Variants in DIP2C observed in about 807,000 individuals in gnomAD.
The protein encoded by DIP2C is DIP2 acetate--CoA ligase C (putative).
In DIP2C, 33 loss-of-function variants were observed where a neutral mutation model predicts 192.4. The observed-to-expected ratio is 0.17, with a 90% CI of 0.13 to 0.23. The LOEUF (loss-of-function observed/expected upper bound fraction) is 0.23, where lower values mean the gene tolerates loss of function less well. Among genes scored for constraint, DIP2C ranks in the 10% least tolerant of loss-of-function variants. The pLI, the probability that DIP2C is intolerant of heterozygous loss-of-function variation, is 1.00. For missense variants in DIP2C, 1,537 were observed against 2,110.1 expected (o/e 0.73, Z 5.32); for synonymous variants, 979 against 864.1 (o/e 1.13, Z -2.33).
At chr10:337,514 TGTGTGTGCGTGC>T (rs1351999863) in intron 29 of DIP2C, among the ~76,000 whole-genome samples, 1 of 133,694 alleles carries the variant, frequency 7.5e-6, no homozygotes, top group African/African-American at 2.9e-5. Flanking sequence ...ACAGTCTGTG[TGTGTGTGCGTGC>T]GTGTGTGTTG....
chr10:570,392 C>A (rs781285921), intron 1 of DIP2C, among the ~76,000 whole-genome samples: 12 of 152,234 alleles, frequency 7.9e-5, no homozygotes, highest in Non-Finnish European at 1.6e-4. Flanking sequence ...CAACCCCACA[C>A]TCCCTAGGTC....
chr10:321,337 T>A (rs75700814), intron 31 of DIP2C, among the ~76,000 whole-genome samples: 34 of 152,354 alleles, frequency 2.2e-4, no homozygotes, highest in African/African-American at 7.7e-4. Flanking sequence ...CAGCTCAGCC[T>A]TCCCCGAAGA....
At chr10:672,140 G>A (rs1830680920) in intron 1 of DIP2C, among the ~76,000 whole-genome samples, 1 of 150,922 alleles carries the variant, frequency 6.6e-6, no homozygotes, top group Non-Finnish European at 1.5e-5. Context: ...TAGACACATG[G>A]ACGGAGGAAA....
chr10:552,396 G>A (rs1848636396), intron 1 of DIP2C, among the ~76,000 whole-genome samples: 1 of 152,156 alleles, frequency 6.6e-6, no homozygotes, highest in South Asian at 2.1e-4. Flanking sequence ...CAAGTAAAAG[G>A]TTGTTTATAC....
intron 1 of DIP2C, among the ~76,000 whole-genome samples, chr10:494,289 G>A (rs60376644): frequency 6.6e-6 from 1 of 152,234 alleles, no homozygotes; most frequent in Non-Finnish European, 1.5e-5. Flanking sequence ...CCCAGGAGGA[G>A]GACATCTCTG....
rs758527439 is a variant in DIP2C at position 414,013 on chromosome 10, C to A, written c.957G>T (p.Ser319=). Residue 319 remains serine, a synonymous_variant, in exon 8 of 37, where the codon TCG becomes TCT. Coordinates refer to ENST00000280886, the MANE Select transcript of DIP2C (RefSeq NM_014974.3). ...CCCACCTCTGCAGTGCGGCCTCCAG[C>A]GACGGCGGCCAGTTCGTGACCACGC... ...QLGVVTNWPP[S]LEAALQRWGT... is the part of the protein sequence containing the mutation. The A allele has an allele frequency of 3.7e-5, 60 of 1,613,974 alleles. No individual in the cohort carries two copies. Among genetic ancestry groups the A allele is most frequent in the Non-Finnish European group, 5.1e-5 (60 of 1,179,996 alleles).
chr10:460,064 T>G (rs1272701883), intron 3 of DIP2C, among the ~76,000 whole-genome samples: 3 of 150,318 alleles, frequency 2.0e-5, no homozygotes, highest in African/African-American at 7.4e-5. Flanking sequence ...AGTATCTTCC[T>G]CCCACAGTCA....
chr10:560,306 G>C (rs1849134521), intron 1 of DIP2C, among the ~76,000 whole-genome samples: 1 of 151,938 alleles, frequency 6.6e-6, no homozygotes. Context: ...GAGGCCATGT[G>C]AACACAAAGC....
At chr10:568,968 A>T (rs1386579389) in intron 1 of DIP2C, among the ~76,000 whole-genome samples, 1 of 152,050 alleles carries the variant, frequency 6.6e-6, no homozygotes, top group African/African-American at 2.4e-5. Flanking sequence ...GCTGTGCCAG[A>T]GCTTTCAAAG....
intron 9 of DIP2C, among the ~76,000 whole-genome samples, chr10:404,210 A>ATT (rs200567522): frequency 2.2e-3 from 322 of 146,484 alleles, no homozygotes; most frequent in East Asian, 0.013. Context: ...TTCATTCTGG[A>ATT]TTTTTTTTTT....
intron 3 of DIP2C, among the ~76,000 whole-genome samples, chr10:447,500 G>A (rs1346667979): frequency 2.0e-5 from 3 of 148,274 alleles, no homozygotes; most frequent in Non-Finnish European, 3.0e-5. Context: ...CACACAGTGG[G>A]GCAGCAGGAC....
chr10:672,286 A>G (rs1830690443), intron 1 of DIP2C, among the ~76,000 whole-genome samples: 1 of 151,902 alleles, frequency 6.6e-6, no homozygotes, highest in South Asian at 2.1e-4. Context: ...CGGAGAAAAC[A>G]GGCCACACAC....
chr10:514,872 A>T (rs776524073), intron 1 of DIP2C, among the ~76,000 whole-genome samples: 1 of 152,158 alleles, frequency 6.6e-6, no homozygotes, highest in Non-Finnish European at 1.5e-5. Flanking sequence ...TGTGGAAGTG[A>T]AGGGGGTAAA....
chr10:367,192 C>T (rs78712281), intron 18 of DIP2C, among the ~76,000 whole-genome samples: 8,022 of 152,170 alleles, frequency 0.053, 516 homozygotes, highest in African/African-American at 0.15. Context: ...CCGAGGCGGG[C>T]GGATCACAAG....
chr10:417,548 A>G (rs12779160), intron 6 of DIP2C, among the ~76,000 whole-genome samples: 63,856 of 152,164 alleles, frequency 0.42, 15,431 homozygotes, highest in Non-Finnish European at 0.55. Flanking sequence ...ACGAAGGCAC[A>G]GTTGGGCTCT....
intron 2 of DIP2C, among the ~76,000 whole-genome samples, chr10:485,439 C>A (rs938227956): frequency 6.6e-6 from 1 of 152,220 alleles, no homozygotes; most frequent in African/African-American, 2.4e-5. Context: ...CGGCGTCTAT[C>A]CCTGACTTAA....
chr10:474,418 ACT>A (rs2133455326), intron 2 of DIP2C, among the ~76,000 whole-genome samples: 1 of 152,236 alleles, frequency 6.6e-6, no homozygotes, highest in African/African-American at 2.4e-5. Context: ...GAACTGAAAA[ACT>A]CTTTCCCATA....
rs1959675693 is a variant in DIP2C, at chr10:362,652, C to A, written c.2632G>T (p.Ala878Ser). ...GGGAGGGTGTTTGCTGGCACCAAGGCCAGGCAATAAACTCCAACTTGATGT... is the reference window on the plus strand; with the variant it reads ...GGGAGGGTGTTTGCTGGCACCAAGGACAGGCAATAAACTCCAACTTGATGT... ...SIHQVGVYCLALVPANTLPKT... is the reference protein window; with the variant it reads ...SIHQVGVYCLSLVPANTLPKT... The change falls in exon 22 of 37, where the codon GCC (alanine) becomes TCC (serine). Residue 878 changes from alanine to serine, a missense_variant. By Grantham distance (99) the Ala-to-Ser change is moderately conservative (BLOSUM62 1). Transcript: ENST00000280886. 1 of 1,613,610 alleles carries A rather than the reference C, an allele frequency of 6.2e-7. No homozygotes were observed.
intron 10 of DIP2C, 79 bp from the exon 11 acceptor site, chr10:390,942 C>A: frequency 6.4e-7 from 1 of 1,566,062 alleles, no homozygotes; most frequent in South Asian, 1.2e-5. Context: ...CTCCAGCGTT[C>A]ACACAGACCC....
Sources: gnomAD v4.1 joint callset for allele counts (sites outside exome capture counted in the v4.1 genomes callset) on GRCh38, gnomAD v4.1.1 for gene constraint, MANE v1.5 for transcripts, NCBI Gene and HGNC (gene_info 2026-07-23, HGNC 2026-07-21) for gene names.